The following IMMP2L variants were observed in gnomAD, a reference collection of about 807,000 sequenced individuals.
The protein encoded by IMMP2L is mitochondrial inner membrane protease subunit 2.
Under a neutral mutation model 19.3 loss-of-function variants are expected in IMMP2L, and 18 were observed. The observed-to-expected ratio is 0.93, with a 90% CI of 0.64 to 1.38. The LOEUF (loss-of-function observed/expected upper bound fraction) is 1.38. Ranked by LOEUF, IMMP2L falls within the 40% of genes most tolerant of loss-of-function variation. IMMP2L has a pLI of 0.00. For missense variants in IMMP2L, 233 were observed against 218.2 expected, an observed-to-expected ratio of 1.07 and a Z score of -0.43; for synonymous variants, 76 against 73.0, an observed-to-expected ratio of 1.04 and a Z score of -0.21.
intron 3 of IMMP2L, among the ~76,000 whole-genome samples, chr7:111,473,074 A>C (rs548885325): frequency 4.2e-4 from 64 of 152,350 alleles, no homozygotes; most frequent in African/African-American, 1.5e-3. Context: ...TATTATTGTC[A>C]TTCCAAAATG....
intron 5 of IMMP2L, among the ~76,000 whole-genome samples, chr7:110,704,878 C>G (rs1194714875): frequency 1.3e-5 from 2 of 152,132 alleles, no homozygotes; most frequent in Non-Finnish European, 2.9e-5. Flanking sequence ...AACTTGGCTA[C>G]TTACCCTCAT....
intron 3 of IMMP2L, among the ~76,000 whole-genome samples, chr7:111,152,133 ATTGAAG>A (rs1804146386): frequency 6.6e-6 from 1 of 152,178 alleles, no homozygotes; most frequent in African/African-American, 2.4e-5. Flanking sequence ...CGGTGAGGTT[ATTGAAG>A]CTGGAAGATG....
At chr7:110,725,057 C>T (rs1184548518) in intron 5 of IMMP2L, among the ~76,000 whole-genome samples, 5 of 152,168 alleles carry the variant, frequency 3.3e-5, no homozygotes, top group African/African-American at 1.2e-4. Context: ...GAAGCGGTAC[C>T]TGTCTAAACA....
At chr7:111,278,291 T>C (rs954428070) in intron 3 of IMMP2L, among the ~76,000 whole-genome samples, 3 of 152,182 alleles carry the variant, frequency 2.0e-5, no homozygotes, top group African/African-American at 7.2e-5. Flanking sequence ...TTCTGCCCTA[T>C]GGTATATAGA....
rs1036423831 is a variant in IMMP2L, at chr7:111,426,212, A to C, written c.239+61026T>G. Among the ~76,000 whole-genome samples the C allele has an allele frequency of 3.3e-5, 5 of 151,106 alleles. 1 individual carries two copies. Among genetic ancestry groups the C allele is most frequent in the Non-Finnish European group, 7.4e-5 (5 of 67,636 alleles). ...TGGTAGTTGCTTCTCAAATATGTCA[A>C]AATAATTTAAAATAAATATATGTAC... On this transcript the variant is annotated intron_variant, in intron 3 of 5. Transcript: ENST00000405709.
intron 2 of IMMP2L, among the ~76,000 whole-genome samples, chr7:111,491,778 T>C (rs1212990165): frequency 6.6e-6 from 1 of 152,194 alleles, no homozygotes; most frequent in Non-Finnish European, 1.5e-5. Context: ...TCTTCCCTAA[T>C]TTATTTGTAT....
chr7:110,756,651 C>T (rs1283231089), intron 5 of IMMP2L, among the ~76,000 whole-genome samples: 1 of 152,096 alleles, frequency 6.6e-6, no homozygotes, highest in African/African-American at 2.4e-5. Flanking sequence ...ATAAACCTTA[C>T]AAAACTTTAA....
At chr7:110,733,719 T>C (rs1436719226) in intron 5 of IMMP2L, among the ~76,000 whole-genome samples, 1 of 152,140 alleles carries the variant, frequency 6.6e-6, no homozygotes, top group African/African-American at 2.4e-5. Context: ...GATTAAATTG[T>C]AAGGGCTCTA....
chr7:111,209,410 A>G (rs1163807779), intron 3 of IMMP2L, among the ~76,000 whole-genome samples: 1 of 151,178 alleles, frequency 6.6e-6, no homozygotes, highest in Non-Finnish European at 1.5e-5. Context: ...AAAAAAAAAA[A>G]AAAAAAGTAA....
chr7:110,826,624 GGGAACTGAAC>G (rs1268528211), intron 5 of IMMP2L, among the ~76,000 whole-genome samples: 1 of 152,072 alleles, frequency 6.6e-6, no homozygotes, highest in African/African-American at 2.4e-5. Context: ...ACTCATAGGT[GGGAACTGAAC>G]AATGAGAACA....
At chr7:111,500,005 G>A (rs1317899879) in intron 2 of IMMP2L, among the ~76,000 whole-genome samples, 1 of 152,162 alleles carries the variant, frequency 6.6e-6, no homozygotes, top group Admixed American at 6.5e-5. Context: ...GCAGGGTGAG[G>A]CATTGCCTCA....
chr7:111,029,666 C>T (rs1827201086), intron 3 of IMMP2L, among the ~76,000 whole-genome samples: 1 of 152,042 alleles, frequency 6.6e-6, no homozygotes, highest in Non-Finnish European at 1.5e-5. Flanking sequence ...AATAGTAAGC[C>T]TACCAAGTTA....
intron 5 of IMMP2L, among the ~76,000 whole-genome samples, chr7:110,805,509 T>A (rs1342360598): frequency 6.6e-6 from 1 of 152,106 alleles, no homozygotes; most frequent in Non-Finnish European, 1.5e-5. Context: ...TATCTTTAAA[T>A]ACGTTAAATC....
intron 3 of IMMP2L, among the ~76,000 whole-genome samples, chr7:110,975,988 T>G (rs1820649708): frequency 6.6e-6 from 1 of 152,044 alleles, no homozygotes; most frequent in African/African-American, 2.4e-5. Context: ...TTTTAACGTA[T>G]GGGCACAGTA....
chr7:110,819,964 C>T (rs1174456319), intron 5 of IMMP2L, among the ~76,000 whole-genome samples: 2 of 151,656 alleles, frequency 1.3e-5, no homozygotes, highest in African/African-American at 4.8e-5. Flanking sequence ...TTTAATTTTC[C>T]ATATTTACCT....
intron 3 of IMMP2L, among the ~76,000 whole-genome samples, chr7:111,412,969 C>T (rs1834574640): frequency 6.6e-6 from 1 of 151,376 alleles, no homozygotes; most frequent in South Asian, 2.1e-4. Flanking sequence ...TTTTGGAAAA[C>T]ATTTTTAAAT....
chr7:111,270,049 A>ATG (rs1334442136), intron 3 of IMMP2L, among the ~76,000 whole-genome samples: 2 of 132,882 alleles, frequency 1.5e-5, no homozygotes, highest in Non-Finnish European at 3.2e-5. Flanking sequence ...GTGTGCATGC[A>ATG]TGTGTGTCTG....
chr7:111,097,677 A>T (rs1485545228), intron 3 of IMMP2L, among the ~76,000 whole-genome samples: 1 of 151,880 alleles, frequency 6.6e-6, no homozygotes, highest in Admixed American at 6.6e-5. Context: ...GTATCGCTAT[A>T]TTTATATGCC....
chr7:110,726,801 A>T (rs1281286386), intron 5 of IMMP2L, among the ~76,000 whole-genome samples: 1 of 152,184 alleles, frequency 6.6e-6, no homozygotes, highest in Non-Finnish European at 1.5e-5. Flanking sequence ...CTTATGCTGG[A>T]GCAAAGAGAA....
Sources: allele counts gnomAD v4.1 joint callset (sites outside exome capture counted in the v4.1 genomes callset), GRCh38; gene constraint gnomAD v4.1.1; transcripts MANE v1.5; gene names NCBI Gene and HGNC (gene_info 2026-07-23, HGNC 2026-07-21).